Variants in NXPE2 observed in about 807,000 individuals in gnomAD.
The protein encoded by NXPE2 is neurexophilin and PC-esterase domain family member 2.
A neutral mutation model predicts 34.4 loss-of-function variants in NXPE2; 34 were observed. That is an observed-to-expected ratio of 0.99 (90% CI 0.75 to 1.31). The LOEUF (loss-of-function observed/expected upper bound fraction) is 1.31. Among genes scored for constraint, NXPE2 ranks in the 40% most tolerant of loss-of-function variants. The probability of loss-of-function intolerance (pLI) is 0.00; values close to 1 mark genes in which losing one functional copy is unlikely to be tolerated. For synonymous variants in NXPE2, 235 were observed against 231.3 expected, an observed-to-expected ratio of 1.02 and a Z score of -0.15; for missense variants, 649 against 672.5, an observed-to-expected ratio of 0.97 and a Z score of 0.39.
At chr11:114,532,553 T>C in the NXPE2 span, among the ~76,000 whole-genome samples, 3 of 152,108 alleles carry the variant, frequency 2.0e-5, no homozygotes, top group Non-Finnish European at 4.4e-5. Context: ...TATTGGTGAG[T>C]ACAGACATCC....
the NXPE2 span, among the ~76,000 whole-genome samples, chr11:114,786,395 T>C: frequency 8.0e-6 from 1 of 125,460 alleles, no homozygotes; most frequent in Non-Finnish European, 1.6e-5. Context: ...TTAATATGGA[T>C]TATCCCCACA....
the NXPE2 span, among the ~76,000 whole-genome samples, chr11:114,576,055 C>T: frequency 6.6e-6 from 1 of 152,110 alleles, no homozygotes; most frequent in African/African-American, 2.4e-5. Context: ...CCAATACTTA[C>T]AGCCAACTGA....
chr11:114,486,811 T>C, the NXPE2 span, among the ~76,000 whole-genome samples: 10 of 152,124 alleles, frequency 6.6e-5, no homozygotes, highest in African/African-American at 2.2e-4. Flanking sequence ...ATTGTAGATG[T>C]ATGGATTTGT....
the NXPE2 span, among the ~76,000 whole-genome samples, chr11:114,653,191 AC>A: frequency 6.6e-6 from 1 of 152,234 alleles, no homozygotes; most frequent in African/African-American, 2.4e-5. Flanking sequence ...GGTTTTTAAA[AC>A]AAAACATTTA....
the NXPE2 span, among the ~76,000 whole-genome samples, chr11:114,800,765 A>G: frequency 6.9e-6 from 1 of 145,400 alleles, no homozygotes; most frequent in East Asian, 2.0e-4. Context: ...TCTGTTTATA[A>G]CACTGTTTAA....
the NXPE2 span, among the ~76,000 whole-genome samples, chr11:114,752,525 T>C: frequency 6.6e-6 from 1 of 152,122 alleles, no homozygotes; most frequent in Non-Finnish European, 1.5e-5. Context: ...CAAATATAAA[T>C]AGTCCATGTG....
At chr11:114,754,420 G>C in the NXPE2 span, among the ~76,000 whole-genome samples, 1 of 152,286 alleles carries the variant, frequency 6.6e-6, no homozygotes, top group African/African-American at 2.4e-5. Context: ...AGAAGCACCA[G>C]GTCACAATTT....
the NXPE2 span, among the ~76,000 whole-genome samples, chr11:114,638,795 G>T: frequency 1.3e-5 from 2 of 152,000 alleles, no homozygotes; most frequent in African/African-American, 4.8e-5. Context: ...CGTGAACCGT[G>T]AATGCTGCTG....
chr11:114,632,502 G>A, the NXPE2 span, among the ~76,000 whole-genome samples: 1 of 118,462 alleles, frequency 8.4e-6, no homozygotes, highest in African/African-American at 3.2e-5. Context: ...ATATATTATA[G>A]TATTTTATTT....
chr11:114,547,683 C>T, the NXPE2 span, among the ~76,000 whole-genome samples: 23 of 152,092 alleles, frequency 1.5e-4, no homozygotes, highest in African/African-American at 4.8e-4. Flanking sequence ...TGCAGTGAGC[C>T]GAGATGGCAC....
At chr11:114,539,509 T>G in the NXPE2 span, among the ~76,000 whole-genome samples, 1 of 152,186 alleles carries the variant, frequency 6.6e-6, no homozygotes, top group Non-Finnish European at 1.5e-5. Flanking sequence ...AGGATATTTT[T>G]TAAAGGTCTG....
chr11:114,650,599 A>T, the NXPE2 span, among the ~76,000 whole-genome samples: 3 of 152,078 alleles, frequency 2.0e-5, no homozygotes, highest in Non-Finnish European at 4.4e-5. Context: ...CAAAGGGAGG[A>T]GGTGGAAGAA....
At chr11:114,501,281 T>C in the NXPE2 span, among the ~76,000 whole-genome samples, 1 of 152,214 alleles carries the variant, frequency 6.6e-6, no homozygotes, top group East Asian at 1.9e-4. Flanking sequence ...CAGGTGATTC[T>C]GAGACATCCA....
At chr11:114,666,989 G>A in the NXPE2 span, among the ~76,000 whole-genome samples, 3 of 152,082 alleles carry the variant, frequency 2.0e-5, no homozygotes, top group Non-Finnish European at 4.4e-5. Flanking sequence ...CACAAACACA[G>A]GTTTGAACAT....
chr11:114,608,412 G>A, the NXPE2 span, among the ~76,000 whole-genome samples: 1 of 151,844 alleles, frequency 6.6e-6, no homozygotes, highest in Non-Finnish European at 1.5e-5. Context: ...CTGTTACCTG[G>A]TAGATAATAA....
In NXPE2 at chr11:114,702,985, G is replaced by A. The variant is rs80107099; in HGVS notation, c.867-1006G>A. Reference sequence around the variant, plus strand: ...CCTTCCCCCAGATGGATTTCATTCCGATAGAGTGAATTCAATTTGGCTGGA... The same window carrying A: ...CCTTCCCCCAGATGGATTTCATTCCAATAGAGTGAATTCAATTTGGCTGGA... On this transcript the variant is annotated intron_variant, in intron 3 of 5. Transcript: ENST00000389586. 1.3e-3 allele frequency among the ~76,000 whole-genome samples: 205 copies of A among 152,280 alleles called. 2 individuals are homozygous for A. The East Asian group carries it at 0.035, about 26-fold the overall frequency.
the NXPE2 span, among the ~76,000 whole-genome samples, chr11:114,643,978 T>C: frequency 2.6e-5 from 4 of 152,176 alleles, no homozygotes; most frequent in African/African-American, 7.2e-5. Context: ...AGGTCCTTCA[T>C]ATCCCTTTTA....
At chr11:114,469,383 G>C in the NXPE2 span, among the ~76,000 whole-genome samples, 1 of 151,678 alleles carries the variant, frequency 6.6e-6, no homozygotes. Context: ...AAAGTGCTAG[G>C]ATTACAGGTG....
chr11:114,784,887 A>G, the NXPE2 span, among the ~76,000 whole-genome samples: 1 of 152,098 alleles, frequency 6.6e-6, no homozygotes, highest in Non-Finnish European at 1.5e-5. Context: ...AGAGTAGAGG[A>G]TATTGTTTTG....
Sources: gnomAD v4.1 joint callset for allele counts (sites outside exome capture counted in the v4.1 genomes callset) on GRCh38, gnomAD v4.1.1 for gene constraint, MANE v1.5 for transcripts, NCBI Gene and HGNC (gene_info 2026-07-23, HGNC 2026-07-21) for gene names.